The following ANO2 variants were observed in gnomAD, a reference collection of about 807,000 sequenced individuals.
ANO2 encodes anoctamin 2.
A neutral mutation model predicts 124.2 loss-of-function variants in ANO2; 101 were observed. That is an observed-to-expected ratio of 0.81 (90% CI 0.69 to 0.96). The LOEUF (loss-of-function observed/expected upper bound fraction) is 0.96, where lower values mean the gene tolerates loss of function less well. ANO2 is among the 40% of genes least tolerant of loss of function. The pLI is 0.00. For missense variants in ANO2, 1,293 were observed against 1,274.5 expected (o/e 1.01, Z -0.22); for synonymous variants, 486 against 482.5 (o/e 1.01, Z -0.09).
intron 1 of ANO2, among the ~76,000 whole-genome samples, chr12:5,923,632 G>A (rs992504595): frequency 6.6e-5 from 10 of 152,262 alleles, no homozygotes; most frequent in African/African-American, 1.7e-4. Flanking sequence ...GCCCCTTCTC[G>A]GCAGGAATGC....
At chr12:5,739,604 C>CAT (rs1402875842) in intron 12 of ANO2, among the ~76,000 whole-genome samples, 1 of 150,972 alleles carries the variant, frequency 6.6e-6, no homozygotes, top group Non-Finnish European at 1.5e-5. Context: ...GTTACACACA[C>CAT]ACACACACAC....
intron 14 of ANO2, among the ~76,000 whole-genome samples, chr12:5,704,706 T>C (rs1415049613): frequency 1.3e-5 from 2 of 151,766 alleles, no homozygotes; most frequent in Non-Finnish European, 2.9e-5. Flanking sequence ...TATGTGTGTG[T>C]GTGTGTGTGT....
intron 13 of ANO2, among the ~76,000 whole-genome samples, chr12:5,736,491 T>C (rs1006852995): frequency 5.9e-5 from 9 of 152,114 alleles, no homozygotes; most frequent in Admixed American, 5.9e-4. Context: ...CTGGGAGGTG[T>C]CTGGTTAAAA....
intron 16 of ANO2, among the ~76,000 whole-genome samples, chr12:5,634,933 C>G (rs762773297): frequency 6.6e-6 from 1 of 152,186 alleles, no homozygotes; most frequent in Non-Finnish European, 1.5e-5. Flanking sequence ...GGCCAGAGGA[C>G]TTGATCAAGA....
At chr12:5,802,544 G>C (rs1953073726) in intron 9 of ANO2, among the ~76,000 whole-genome samples, 1 of 152,330 alleles carries the variant, frequency 6.6e-6, no homozygotes, top group South Asian at 2.1e-4. Flanking sequence ...ACATAGTTAA[G>C]AGCAAGTGGA....
intron 7 of ANO2, among the ~76,000 whole-genome samples, chr12:5,812,973 GAA>G: frequency 4.3e-5 from 5 of 117,260 alleles, no homozygotes; most frequent in East Asian, 2.6e-4. Context: ...AGGGAGGGAG[GAA>G]GGAAGGAAGG....
chr12:5,901,369 G>A lies in ANO2; in HGVS notation c.534+19671C>T, dbSNP rs888321758. Reference sequence around the variant, plus strand: ...TGATACCCCAACAAGAACAAGGAAGGAACAAGGGGGAGGACAAGCAGCTGT... The same window carrying A: ...TGATACCCCAACAAGAACAAGGAAGAAACAAGGGGGAGGACAAGCAGCTGT... On this transcript the variant is annotated intron_variant, in intron 3 of 24. Transcript: ENST00000682330. Among the ~76,000 whole-genome samples the A allele has an allele frequency of 2.0e-5, 3 of 152,282 alleles. No homozygotes were observed. The South Asian group carries it at 6.2e-4, about 32-fold the overall frequency.
At chr12:5,913,747 T>C (rs1364947748) in intron 3 of ANO2, among the ~76,000 whole-genome samples, 1 of 152,112 alleles carries the variant, frequency 6.6e-6, no homozygotes, top group African/African-American at 2.4e-5. Flanking sequence ...GAAGACTAAA[T>C]GAGCACAAGT....
intron 16 of ANO2, among the ~76,000 whole-genome samples, chr12:5,633,602 C>T (rs962413880): frequency 3.9e-5 from 6 of 152,012 alleles, no homozygotes; most frequent in South Asian, 2.1e-4. Flanking sequence ...AAAAAAAACA[C>T]GTTCTGGTCA....
intron 2 of ANO2, 37 bp from the exon 3 acceptor site, chr12:5,921,403 G>A (rs73047671): frequency 0.015 from 23,049 of 1,588,344 alleles, 435 homozygotes; most frequent in African/African-American, 0.086. Flanking sequence ...GCAAGGTCTG[G>A]TGAGTAAGGG....
At chr12:5,746,788 C>A (rs1031923315) in intron 11 of ANO2, among the ~76,000 whole-genome samples, 3 of 152,194 alleles carry the variant, frequency 2.0e-5, no homozygotes, top group African/African-American at 7.2e-5. Context: ...GAAATTCAGA[C>A]TAAACAGCTG....
intron 15 of ANO2, among the ~76,000 whole-genome samples, chr12:5,646,760 C>T (rs959844169): frequency 6.6e-6 from 1 of 152,146 alleles, no homozygotes. Context: ...TGGCAAGGCA[C>T]CCATCAACTC....
intron 7 of ANO2, among the ~76,000 whole-genome samples, chr12:5,822,566 A>C (rs1953837419): frequency 6.6e-6 from 1 of 152,192 alleles, no homozygotes; most frequent in South Asian, 2.1e-4. Context: ...CTGACTTCCC[A>C]ATTTGCCAGC....
chr12:5,828,767 C>T (rs546078022), intron 6 of ANO2, among the ~76,000 whole-genome samples: 1 of 152,312 alleles, frequency 6.6e-6, no homozygotes, highest in East Asian at 1.9e-4. Flanking sequence ...TGTAAACCTG[C>T]TGGCCAACGA....
At chr12:5,897,031 A>C (rs1939838602) in intron 3 of ANO2, among the ~76,000 whole-genome samples, 1 of 152,244 alleles carries the variant, frequency 6.6e-6, no homozygotes, top group African/African-American at 2.4e-5. Context: ...GTCACTCCTT[A>C]AGATTTTTAG....
intron 14 of ANO2, among the ~76,000 whole-genome samples, chr12:5,674,616 A>C (rs1948149958): frequency 6.6e-6 from 1 of 152,156 alleles, no homozygotes; most frequent in African/African-American, 2.4e-5. Context: ...AAAAGCACAG[A>C]ATTCTGCTGG....
intron 20 of ANO2, among the ~76,000 whole-genome samples, chr12:5,580,128 C>T (rs956249786): frequency 6.6e-6 from 1 of 152,134 alleles, no homozygotes; most frequent in African/African-American, 2.4e-5. Flanking sequence ...CCCCTACATA[C>T]TAAGGGCAAA....
chr12:5,760,603 A>G (rs1951710880), intron 10 of ANO2, among the ~76,000 whole-genome samples: 2 of 152,268 alleles, frequency 1.3e-5, no homozygotes, highest in South Asian at 4.2e-4. Context: ...TAGAAATTAG[A>G]ACAAAAGCCA....
At chr12:5,610,723 CATATAT>C (rs377499491) in intron 19 of ANO2, among the ~76,000 whole-genome samples, 1,995 of 116,900 alleles carry the variant, frequency 0.017, 64 homozygotes, top group Non-Finnish European at 0.027. Context: ...CACATATATA[CATATAT>C]ATATATATAT....
Sources: allele counts gnomAD v4.1 joint callset (sites outside exome capture counted in the v4.1 genomes callset), GRCh38; gene constraint gnomAD v4.1.1; transcripts MANE v1.5; gene names NCBI Gene and HGNC (gene_info 2026-07-23, HGNC 2026-07-21).